Variants in BST2 observed in about 807,000 individuals in gnomAD.
BST2 encodes the protein bone marrow stromal antigen 2.
BST2 carries 10 observed loss-of-function variants against 18.6 expected under a neutral mutation model. The ratio of observed to expected loss-of-function variants is 0.54; its 90% confidence interval spans 0.33 to 0.91. The LOEUF (loss-of-function observed/expected upper bound fraction) is 0.91, where lower values mean the gene tolerates loss of function less well. Ranked by LOEUF, BST2 falls within the 40% of genes least tolerant of loss-of-function variation. The pLI is 0.02. For synonymous variants in BST2, 75 were observed against 96.8 expected (o/e 0.77, Z 1.32); for missense variants, 183 against 228.4 (o/e 0.80, Z 1.28).
chr19:17,404,213 CAG>C lies in BST2; in HGVS notation c.353-26_353-25del, dbSNP rs369305988. ...TCCTGGTAGGGTGGGAGGACAGAAA[CAG>C]GGGGCGGGTCAGCATGTGGCCATGC... On this transcript the variant is annotated intron_variant, in intron 2 of 4. Coordinates refer to ENST00000252593, the MANE Select transcript of BST2 (RefSeq NM_004335.4). The C allele has an allele frequency of 2.4e-3, 3,822 of 1,599,690 alleles. 15 individuals carry two copies. Among genetic ancestry groups the C allele is most frequent in the South Asian group, 5.6e-3 (503 of 89,860 alleles).
At position 17,405,457 on chromosome 19, in the gene BST2, G is replaced by A. The variant is rs1323266629; in HGVS notation, c.119C>T (p.Pro40Leu). Reference sequence around the variant, plus strand: ...GGCCTTGATGGTGAAGATAATCAAGGGCACCCCCAGAATCACGATGATCAG... The same window carrying A: ...GGCCTTGATGGTGAAGATAATCAAGAGCACCCCCAGAATCACGATGATCAG... The part of the protein sequence containing the change: ...VLLIIVILGV[P>L]LIIFTIKANS... Residue 40 changes from proline to leucine, a missense_variant, in exon 1 of 5, where the codon CCC (proline) becomes CTC (leucine). By Grantham distance (98) the Pro-to-Leu change is moderately conservative. Transcript: ENST00000252593. The A allele has an allele frequency of 4.3e-6, 7 of 1,614,224 alleles. No individual in the cohort carries two copies. The highest frequency in any genetic ancestry group is 5.9e-6 in the Non-Finnish European group (7 of 1,180,036).
chr19:17,403,022 A>C lies in BST2; in HGVS notation c.*320T>G, dbSNP rs539156169. 1.0e-4 allele frequency: 100 copies of C among 983,574 alleles called. 1 individual carries two copies. In the South Asian group the frequency reaches 4.1e-3, roughly 40 times the overall value. The allele number at this position is 983,574 out of a possible 1,614,324, so 60.9% of individuals were successfully genotyped here. A position where few individuals can be genotyped will look rare whatever the true frequency, so the allele number is the denominator to read the frequency against. The stretch of plus-strand genomic sequence containing the variant: ...AAAAGCAACCCCCCCCGCAAAAAAA[A>C]CCCATAACAACAGGCAGCACATGCC... On this transcript the variant is annotated 3_prime_UTR_variant, in exon 5 of 5. Transcript: ENST00000252593.
rs1454133031 is a variant in BST2 at position 17,405,207 on chromosome 19, C to A, written c.285+84G>T. The A allele has an allele frequency of 1.1e-5, 16 of 1,464,960 alleles. No homozygotes were observed. In the African/African-American group the frequency reaches 1.1e-4, roughly 10 times the overall value. The allele number at this position is 1,464,960 out of a possible 1,614,324, so 90.7% of individuals were successfully genotyped here. On this transcript the variant is annotated intron_variant, in intron 1 of 4. Coordinates refer to ENST00000252593, the MANE Select transcript of BST2 (RefSeq NM_004335.4). ...CCTCCCCTGCATCTCCCTGGAGACCCACCCTGGGTCAGATTTCTGGGGAGA... is the reference window on the plus strand; with the variant it reads ...CCTCCCCTGCATCTCCCTGGAGACCAACCCTGGGTCAGATTTCTGGGGAGA...
Position 17,404,196 on chromosome 19 carries a change from G to A in BST2, c.353-7C>T. 1 of 1,602,452 alleles carries A rather than the reference G, an allele frequency of 6.2e-7. No homozygotes were observed. The highest frequency in any genetic ancestry group is 8.5e-7 in the Non-Finnish European group (1 of 1,174,196). ...TTTAATGTAGTGATCTCTCCTGGTA[G>A]GGTGGGAGGACAGAAACAGGGGGCG... On this transcript the variant is annotated splice_polypyrimidine_tract_variant and splice_region_variant and intron_variant, in intron 2 of 4. Coordinates refer to ENST00000252593, the MANE Select transcript of BST2 (RefSeq NM_004335.4).
At chr19:17,403,936 G>T in intron 3 of BST2, 112 bp from the exon 4 acceptor site, 5 of 1,443,160 alleles carry the variant, frequency 3.5e-6, no homozygotes, top group Non-Finnish European at 3.7e-6. Context: ...CAAGTCACCG[G>T]GGAGGGAATG....
intron 1 of BST2, among the ~76,000 whole-genome samples, chr19:17,404,892 G>GA (rs1461868387): frequency 6.6e-6 from 1 of 152,142 alleles, no homozygotes; most frequent in Non-Finnish European, 1.5e-5. Flanking sequence ...AATTTCAAAA[G>GA]CCCCCTTTTT....
chr19:17,403,657 G>T, intron 4 of BST2, 23 bp downstream of exon 4: 1 of 1,445,934 alleles, frequency 6.9e-7, no homozygotes. Context: ...TCTCCCTCCC[G>T]GGGCCGCCCC....
intron 3 of BST2, 51 bp downstream of exon 3, chr19:17,404,078 G>T: frequency 6.6e-7 from 1 of 1,526,254 alleles, no homozygotes; most frequent in Non-Finnish European, 8.9e-7. Context: ...GGGATGTGGG[G>T]GTGAGAGGAA....
At chr19:17,404,958 A>T (rs2074717506) in intron 1 of BST2, among the ~76,000 whole-genome samples, 1 of 152,172 alleles carries the variant, frequency 6.6e-6, no homozygotes, top group Non-Finnish European at 1.5e-5. Context: ...CTCCCCCAGG[A>T]CTGGTGCCCA....
At position 17,403,022 on chromosome 19, in the gene BST2, A is replaced by G; in HGVS notation, c.*320T>C. On this transcript the variant is annotated 3_prime_UTR_variant, in exon 5 of 5. Transcript: ENST00000252593. Reference sequence around the variant, plus strand: ...AAAAGCAACCCCCCCCGCAAAAAAAACCCATAACAACAGGCAGCACATGCC... The same window carrying G: ...AAAAGCAACCCCCCCCGCAAAAAAAGCCCATAACAACAGGCAGCACATGCC... 1 of 983,574 alleles carries G rather than the reference A, an allele frequency of 1.0e-6. No homozygotes were observed. The highest frequency in any genetic ancestry group is 1.2e-6 in the Non-Finnish European group (1 of 829,190). 60.9% of individuals were successfully genotyped at this position (983,574 alleles called of 1,614,324 possible). A position where few individuals can be genotyped will look rare whatever the true frequency, so the allele number is the denominator to read the frequency against.
chr19:17,403,801 A>G lies in BST2; in HGVS notation c.437T>C (p.Val146Ala). ...RLRRENQVLS[V>A]RIADKKYYPS... ...GTAGTACTTCTTGTCCGCGATTCTC[A>G]CGCTTAAGACCTGGTTTTCTCTTCT... Residue 146 changes from valine to alanine, a missense_variant, in exon 4 of 5, where the codon GTG (valine) becomes GCG (alanine). Coordinates refer to ENST00000252593, the MANE Select transcript of BST2 (RefSeq NM_004335.4). 1.2e-6 allele frequency: 2 copies of G among 1,610,364 alleles called. No individual in the cohort carries two copies. Among genetic ancestry groups the G allele is most frequent in the South Asian group, 2.2e-5 (2 of 90,862 alleles).
At position 17,405,033 on chromosome 19, in the gene BST2, A is replaced by AG. The variant is rs1346895793; in HGVS notation, c.285+257dup. ...GAATTTATAAATTCACCTAAGTCCCAGGGGGATACTGAGGTCCCCGATTTG... is the reference window on the plus strand; with the variant it reads ...GAATTTATAAATTCACCTAAGTCCCAGGGGGGATACTGAGGTCCCCGATTTG... On this transcript the variant is annotated intron_variant, in intron 1 of 4. Transcript: ENST00000252593. Among the ~76,000 whole-genome samples, 9 of 152,266 alleles carry AG rather than the reference A, an allele frequency of 5.9e-5. No homozygotes were observed. The East Asian group carries it at 1.7e-3, about 29-fold the overall frequency.
chr19:17,402,998 A>G lies in BST2; in HGVS notation c.*344T>C, dbSNP rs1275077631. 2.0e-6 allele frequency: 2 copies of G among 985,024 alleles called. No homozygotes were observed. Among genetic ancestry groups the G allele is most frequent in the African/African-American group, 3.5e-5 (2 of 57,078 alleles). The allele number at this position is 985,024 out of a possible 1,614,324, so 61.0% of individuals were successfully genotyped here. ...TTTTGGAGCTCAAAGACCCCAGAAAAAAGCAACCCCCCCCGCAAAAAAAAC... is the reference window on the plus strand; with the variant it reads ...TTTTGGAGCTCAAAGACCCCAGAAAGAAGCAACCCCCCCCGCAAAAAAAAC... On this transcript the variant is annotated 3_prime_UTR_variant, in exon 5 of 5. Transcript: ENST00000252593.
chr19:17,405,476 T>C lies in BST2; in HGVS notation c.100A>G (p.Ile34Val), dbSNP rs780338284. ...ATCAAGGGCACCCCCAGAATCACGA[T>C]GATCAGGAGCACCAGAATTCCTATC... The part of the protein sequence containing the change: ...LGIGILVLLI[I>V]VILGVPLIIF... The change falls in exon 1 of 5, where the codon ATC (isoleucine) becomes GTC (valine). Residue 34 changes from isoleucine (I) to valine (V), a missense_variant. Physicochemically the swap from Ile to Val is conservative, Grantham distance 29. Coordinates refer to ENST00000252593, the MANE Select transcript of BST2 (RefSeq NM_004335.4). The C allele has an allele frequency of 1.1e-5, 18 of 1,614,132 alleles. No homozygotes were observed. Among genetic ancestry groups the C allele is most frequent in the Admixed American group, 1.7e-5 (1 of 60,000 alleles).
Position 17,403,911 on chromosome 19 carries a change from C to T in BST2, c.414-87G>A. 10 of 1,517,600 alleles carry T rather than the reference C, an allele frequency of 6.6e-6. 1 individual carries two copies. The South Asian group carries it at 1.0e-4, about 15-fold the overall frequency. The allele number at this position is 1,517,600 out of a possible 1,614,324, so 94.0% of individuals were successfully genotyped here. ...GCCCACCGCCCCCGGGAGTTCCCCC[C>T]GCACCGCCCCAATCCAAGTCACCGG... is the stretch of plus-strand genomic sequence containing the variant. On this transcript the variant is annotated intron_variant, in intron 3 of 4. Transcript: ENST00000252593.
chr19:17,405,462 C>G lies in BST2; in HGVS notation c.114G>C (p.Gly38=). The change falls in exon 1 of 5, where the codon GGG becomes GGC. Residue 38 remains glycine, a synonymous_variant. Coordinates refer to ENST00000252593, the MANE Select transcript of BST2 (RefSeq NM_004335.4). ...ILVLLIIVIL[G]VPLIIFTIKA... is the part of the protein sequence containing the mutation. The stretch of plus-strand genomic sequence containing the variant: ...TGATGGTGAAGATAATCAAGGGCAC[C>G]CCCAGAATCACGATGATCAGGAGCA... The G allele has an allele frequency of 6.2e-7, 1 of 1,614,230 alleles. No homozygotes were observed. The highest frequency in any genetic ancestry group is 8.5e-7 in the Non-Finnish European group (1 of 1,180,046).
rs1273407139 is a variant in BST2, at chr19:17,403,913, C to T, written c.414-89G>A. On this transcript the variant is annotated intron_variant, in intron 3 of 4. Transcript: ENST00000252593. ...CCACCGCCCCCGGGAGTTCCCCCCG[C>T]ACCGCCCCAATCCAAGTCACCGGGG... is the stretch of plus-strand genomic sequence containing the variant. 5 of 1,516,432 alleles carry T rather than the reference C, an allele frequency of 3.3e-6. No homozygotes were observed. In the African/African-American group the frequency reaches 5.4e-5, roughly 17 times the overall value. The allele number at this position is 1,516,432 out of a possible 1,614,324, so 93.9% of individuals were successfully genotyped here.
chr19:17,405,243 C>T (rs748473135), intron 1 of BST2, 48 bp downstream of exon 1: 1 of 1,531,204 alleles, frequency 6.5e-7, no homozygotes. Context: ...GATTCTTGTC[C>T]CTCCCACCGC....
chr19:17,403,864 G>A, intron 3 of BST2, 40 bp from the exon 4 acceptor site: 1 of 1,594,558 alleles, frequency 6.3e-7, no homozygotes, highest in South Asian at 1.1e-5. Flanking sequence ...GCTCGTCCTG[G>A]CTCCTGCCGC....
Sources: gnomAD v4.1 joint callset for allele counts (sites outside exome capture counted in the v4.1 genomes callset) on GRCh38, gnomAD v4.1.1 for gene constraint, MANE v1.5 for transcripts, NCBI Gene and HGNC (gene_info 2026-07-23, HGNC 2026-07-21) for gene names.